The following JMJD1C variants were observed in gnomAD, a reference collection of about 807,000 sequenced individuals.
The protein encoded by JMJD1C is jumonji domain-containing protein 1C.
In JMJD1C, 31 loss-of-function variants were observed where a neutral mutation model predicts 245.3. The ratio of observed to expected loss-of-function variants is 0.13; its 90% confidence interval spans 0.09 to 0.17. The LOEUF is 0.17. Ranked by LOEUF, JMJD1C falls within the 10% of genes least tolerant of loss-of-function variation. The pLI is 1.00. For missense variants in JMJD1C, 2,691 were observed against 3,000.2 expected (o/e 0.90, Z 2.41); for synonymous variants, 1,057 against 1,017.4 (o/e 1.04, Z -0.74).
intron 1 of JMJD1C, among the ~76,000 whole-genome samples, chr10:63,432,931 C>G (rs1270572765): frequency 6.6e-6 from 1 of 152,166 alleles, no homozygotes; most frequent in Non-Finnish European, 1.5e-5. Context: ...GAATGATTTC[C>G]TTACACAGGA....
At chr10:63,482,491 C>A (rs188079385) in intron 1 of JMJD1C, among the ~76,000 whole-genome samples, 81 of 152,242 alleles carry the variant, frequency 5.3e-4, no homozygotes, top group African/African-American at 1.9e-3. Context: ...CAAAACTTAG[C>A]TGGACACAGT....
At chr10:63,382,859 A>C (rs1947319407) in intron 1 of JMJD1C, 2 of 455,838 alleles carry the variant, frequency 4.4e-6, no homozygotes. Flanking sequence ...GCCTAGCTCA[A>C]GTTCTTCCAT....
chr10:63,265,163 T>A, intron 2 of JMJD1C, among the ~76,000 whole-genome samples: 1 of 152,132 alleles, frequency 6.6e-6, no homozygotes, highest in Admixed American at 6.5e-5. Flanking sequence ...AAGAGAGTAG[T>A]TATTATTTCA....
At chr10:63,481,404 G>C (rs879070066) in intron 1 of JMJD1C, among the ~76,000 whole-genome samples, 1 of 151,786 alleles carries the variant, frequency 6.6e-6, no homozygotes, top group Non-Finnish European at 1.5e-5. Context: ...TAAAATAGTG[G>C]ACACATTTCC....
At chr10:63,319,036 G>A (rs1433433484) in intron 2 of JMJD1C, among the ~76,000 whole-genome samples, 6 of 151,842 alleles carry the variant, frequency 4.0e-5, no homozygotes, top group African/African-American at 9.7e-5. Flanking sequence ...CAAGGTGGGC[G>A]GATCACAAGG....
At chr10:63,319,255 T>TAAAA (rs59018554) in intron 2 of JMJD1C, among the ~76,000 whole-genome samples, 27 of 85,940 alleles carry the variant, frequency 3.1e-4, no homozygotes, top group African/African-American at 9.2e-4. Flanking sequence ...AGACTCCATC[T>TAAAA]AAAAAAAAAA....
At chr10:63,317,575 T>A (rs568442133) in intron 2 of JMJD1C, among the ~76,000 whole-genome samples, 20 of 152,264 alleles carry the variant, frequency 1.3e-4, no homozygotes, top group African/African-American at 4.6e-4. Context: ...TGTTTGCAAT[T>A]CTTTAAGATT....
chr10:63,265,681 T>A (rs1589332838), intron 2 of JMJD1C, among the ~76,000 whole-genome samples: 1 of 152,054 alleles, frequency 6.6e-6, no homozygotes, highest in Non-Finnish European at 1.5e-5. Context: ...ACACAGCTGC[T>A]TTACTATAAA....
intron 1 of JMJD1C, among the ~76,000 whole-genome samples, chr10:63,431,201 T>C (rs1044805607): frequency 6.6e-6 from 1 of 152,178 alleles, no homozygotes; most frequent in Non-Finnish European, 1.5e-5. Flanking sequence ...TACTATAACA[T>C]ATATTGACTT....
intron 2 of JMJD1C, among the ~76,000 whole-genome samples, chr10:63,343,265 C>T (rs1259759600): frequency 1.3e-5 from 2 of 151,690 alleles, no homozygotes; most frequent in Admixed American, 6.6e-5. Flanking sequence ...CCTCGGGAGG[C>T]TGAGGCAGGA....
At chr10:63,504,373 G>T (rs1298236577) in intron 1 of JMJD1C, among the ~76,000 whole-genome samples, 1 of 152,134 alleles carries the variant, frequency 6.6e-6, no homozygotes, top group Admixed American at 6.5e-5. Context: ...AGGTGGTTAG[G>T]TGAGATTGGG....
At chr10:63,419,762 G>A (rs1950010538) in intron 1 of JMJD1C, among the ~76,000 whole-genome samples, 1 of 136,434 alleles carries the variant, frequency 7.3e-6, no homozygotes, top group Admixed American at 8.1e-5. Context: ...ATCACACTAA[G>A]AAAAGGATAG....
intron 1 of JMJD1C, among the ~76,000 whole-genome samples, chr10:63,511,098 T>C (rs1484997738): frequency 2.0e-5 from 3 of 152,246 alleles, no homozygotes; most frequent in Non-Finnish European, 4.4e-5. Flanking sequence ...TGATAACATA[T>C]AGTTGGGTCT....
At chr10:63,262,410 T>G (rs1854893330) in intron 3 of JMJD1C, among the ~76,000 whole-genome samples, 1 of 152,154 alleles carries the variant, frequency 6.6e-6, no homozygotes, top group African/African-American at 2.4e-5. Context: ...TGTCTATCAT[T>G]TACACATGGG....
At chr10:63,323,615 A>G (rs971428356) in intron 2 of JMJD1C, among the ~76,000 whole-genome samples, 1 of 152,244 alleles carries the variant, frequency 6.6e-6, no homozygotes, top group East Asian at 1.9e-4. Flanking sequence ...CATACTGATA[A>G]GAGCACAATA....
chr10:63,277,185 T>C (rs866374115), intron 2 of JMJD1C, among the ~76,000 whole-genome samples: 1 of 150,238 alleles, frequency 6.7e-6, no homozygotes, highest in African/African-American at 2.5e-5. Context: ...CTGGCCAAAA[T>C]AGTAATCTCT....
At chr10:63,243,489 GCA>G (rs1851786688) in intron 3 of JMJD1C, among the ~76,000 whole-genome samples, 1 of 152,090 alleles carries the variant, frequency 6.6e-6, no homozygotes, top group African/African-American at 2.4e-5. Context: ...TCACGCCATT[GCA>G]CTCCAGCATG....
rs750280605 is a variant in JMJD1C, at chr10:63,186,429, T to C, written c.6571-46A>G. On this transcript the variant is annotated intron_variant, in intron 18 of 25. Coordinates refer to ENST00000399262, the MANE Select transcript of JMJD1C (RefSeq NM_032776.3). The stretch of plus-strand genomic sequence containing the variant: ...TAACAGTTAAAAGATATATAGACTT[T>C]CTTTTTTGTTTGTTTGTTTGTTTGT... 6 of 1,451,814 alleles carry C rather than the reference T, an allele frequency of 4.1e-6. No individual in the cohort carries two copies. In the African/African-American group the frequency reaches 8.7e-5, roughly 21 times the overall value. 89.9% of individuals were successfully genotyped at this position (1,451,814 alleles called of 1,614,324 possible).
At chr10:63,453,778 G>A (rs1952224411) in intron 1 of JMJD1C, among the ~76,000 whole-genome samples, 1 of 152,168 alleles carries the variant, frequency 6.6e-6, no homozygotes, top group South Asian at 2.1e-4. Flanking sequence ...TCGCTCTGTT[G>A]CCCAGGTTGA....
Sources: gnomAD v4.1 joint callset for allele counts (sites outside exome capture counted in the v4.1 genomes callset) on GRCh38, gnomAD v4.1.1 for gene constraint, MANE v1.5 for transcripts, NCBI Gene and HGNC (gene_info 2026-07-23, HGNC 2026-07-21) for gene names.